STPG2: variants seen among roughly 807,000 people sequenced by gnomAD.
The protein encoded by STPG2 is sperm tail PG-rich repeat containing 2, also known as sperm-tail PG-rich repeat-containing protein 2.
STPG2 carries 56 observed loss-of-function variants against 54.2 expected under a neutral mutation model. That is an observed-to-expected ratio of 1.03 (90% CI 0.83 to 1.29). The LOEUF (loss-of-function observed/expected upper bound fraction) is 1.29. Among genes scored for constraint, STPG2 ranks in the 50% most tolerant of loss-of-function variants. The pLI is 0.00. For synonymous variants in STPG2, 200 were observed against 181.8 expected, an observed-to-expected ratio of 1.10 and a Z score of -0.81; for missense variants, 596 against 544.9, an observed-to-expected ratio of 1.09 and a Z score of -0.93.
At chr4:97,502,751 A>G (rs1730753657) in intron 4 of STPG2, among the ~76,000 whole-genome samples, 1 of 152,048 alleles carries the variant, frequency 6.6e-6, no homozygotes, top group African/African-American at 2.4e-5. Flanking sequence ...AAATAATAGG[A>G]ACAGACTGGA....
intron 4 of STPG2, among the ~76,000 whole-genome samples, chr4:97,444,392 T>C (rs1045857900): frequency 2.6e-5 from 4 of 152,106 alleles, no homozygotes; most frequent in Non-Finnish European, 4.4e-5. Context: ...AAAAAAGTTG[T>C]AAAAGCAGTC....
intron 1 of STPG2, among the ~76,000 whole-genome samples, chr4:98,139,769 C>A (rs542698878): frequency 6.6e-6 from 1 of 152,194 alleles, no homozygotes; most frequent in Non-Finnish European, 1.5e-5. Flanking sequence ...TCCTATAAAA[C>A]AGTAAAAGGG....
intron 5 of STPG2, among the ~76,000 whole-genome samples, chr4:98,033,979 A>T (rs1180185563): frequency 6.6e-6 from 1 of 152,154 alleles, no homozygotes; most frequent in African/African-American, 2.4e-5. Context: ...TTTATGACAA[A>T]CCCACAGCCA....
intron 9 of STPG2, among the ~76,000 whole-genome samples, chr4:97,802,926 C>T (rs1254768006): frequency 6.6e-6 from 1 of 152,072 alleles, no homozygotes; most frequent in East Asian, 1.9e-4. Context: ...TTATAATTTG[C>T]AAAGCCACCT....
At chr4:97,607,907 G>A (rs1305388341) in intron 10 of STPG2, among the ~76,000 whole-genome samples, 1 of 151,978 alleles carries the variant, frequency 6.6e-6, no homozygotes, top group African/African-American at 2.4e-5. Context: ...AAGTACACAT[G>A]AGGTTCAGTT....
rs555734986 is a variant in STPG2 at position 98,143,283 on chromosome 4, G to T, written c.-133C>A. The T allele has an allele frequency of 4.7e-6, 3 of 635,694 alleles. No homozygotes were observed. The highest frequency in any genetic ancestry group is 2.7e-6 in the Non-Finnish European group (1 of 365,924). The allele number at this position is 635,694 out of a possible 1,614,324, so 39.4% of individuals were successfully genotyped here. ...CCGGGAAAGAACTTCCGTAAACAGG[G>T]AAATTAGGGGTGGGGTTGTCTCCCC... On this transcript the variant is annotated 5_prime_UTR_variant, in exon 1 of 11. Coordinates refer to ENST00000295268, the MANE Select transcript of STPG2 (RefSeq NM_174952.3).
At chr4:98,043,089 T>G (rs957208962) in intron 5 of STPG2, among the ~76,000 whole-genome samples, 3 of 152,084 alleles carry the variant, frequency 2.0e-5, no homozygotes. Context: ...GAAGTAACCT[T>G]TTAGTCTCTA....
chr4:97,644,466 G>T (rs1455953395), intron 10 of STPG2, among the ~76,000 whole-genome samples: 1 of 151,932 alleles, frequency 6.6e-6, no homozygotes, highest in Non-Finnish European at 1.5e-5. Flanking sequence ...TCAACAAATG[G>T]ATCATTTTTT....
intron 9 of STPG2, among the ~76,000 whole-genome samples, chr4:97,777,136 C>A (rs1726402976): frequency 6.6e-6 from 1 of 152,098 alleles, no homozygotes; most frequent in Admixed American, 6.5e-5. Context: ...GGTTAAAATG[C>A]ACTTCGTACT....
intron 8 of STPG2, among the ~76,000 whole-genome samples, chr4:97,886,973 G>A (rs1730594707): frequency 6.6e-6 from 1 of 152,154 alleles, no homozygotes; most frequent in Admixed American, 6.6e-5. Flanking sequence ...TAAGCCAGCT[G>A]CTCCCCCTTT....
At chr4:97,804,922 C>A (rs939095257) in intron 9 of STPG2, among the ~76,000 whole-genome samples, 1 of 152,130 alleles carries the variant, frequency 6.6e-6, no homozygotes, top group African/African-American at 2.4e-5. Flanking sequence ...GAGCTATAGG[C>A]TATACCATAT....
chr4:97,938,624 G>A (rs1278821606), intron 8 of STPG2, among the ~76,000 whole-genome samples: 1 of 152,144 alleles, frequency 6.6e-6, no homozygotes, highest in Non-Finnish European at 1.5e-5. Flanking sequence ...CTGATCTGTG[G>A]GTTGCACAGA....
chr4:97,935,993 C>A (rs1225336530), intron 8 of STPG2, among the ~76,000 whole-genome samples: 1 of 130,492 alleles, frequency 7.7e-6, no homozygotes, highest in Non-Finnish European at 1.7e-5. Flanking sequence ...AAATCTCCCA[C>A]TATTATTGTA....
At position 97,972,360 on chromosome 4, in the gene STPG2, C is replaced by A. The variant is rs1437326412; in HGVS notation, c.853G>T (p.Ala285Ser). 1 of 1,609,462 alleles carries A rather than the reference C, an allele frequency of 6.2e-7. No individual in the cohort carries two copies. Among genetic ancestry groups the A allele is most frequent in the Admixed American group, 1.7e-5 (1 of 59,624 alleles). ...GTCCGAGGAACAGAAGAACCAAATG[C>A]ACTTTTCTTCTGTTTCTTTGAGCAG... ...NICSKKQKKS[A>S]FGSSVPRTFF... The change falls in exon 7 of 11, where the codon GCA (alanine) becomes TCA (serine). Residue 285 changes from alanine (A) to serine (S), a missense_variant. Ala to Ser is a moderately conservative substitution (Grantham distance 99). Coordinates refer to ENST00000295268, the MANE Select transcript of STPG2 (RefSeq NM_174952.3).
chr4:97,610,361 G>T (rs1433161991), intron 10 of STPG2, among the ~76,000 whole-genome samples: 2 of 151,984 alleles, frequency 1.3e-5, no homozygotes, highest in Non-Finnish European at 2.9e-5. Flanking sequence ...TTGCTTTAAT[G>T]AGTAACAACA....
chr4:97,958,564 T>C (rs1008652299), intron 7 of STPG2, among the ~76,000 whole-genome samples: 5 of 152,116 alleles, frequency 3.3e-5, no homozygotes, highest in African/African-American at 1.2e-4. Flanking sequence ...TCCATGCAAA[T>C]GAACACCAAA....
At chr4:97,681,365 A>G (rs1414584016) in intron 10 of STPG2, among the ~76,000 whole-genome samples, 1 of 151,866 alleles carries the variant, frequency 6.6e-6, no homozygotes, top group East Asian at 1.9e-4. Context: ...GTACAAAACA[A>G]TAGCATTTAT....
At chr4:97,698,741 CG>C (rs1723668432) in intron 10 of STPG2, among the ~76,000 whole-genome samples, 1 of 152,046 alleles carries the variant, frequency 6.6e-6, no homozygotes, top group Non-Finnish European at 1.5e-5. Flanking sequence ...TGCCAGAGCC[CG>C]GCAAAGTATT....
chr4:97,568,149 C>G (rs1444455881), intron 10 of STPG2, among the ~76,000 whole-genome samples: 1 of 152,082 alleles, frequency 6.6e-6, no homozygotes, highest in African/African-American at 2.4e-5. Flanking sequence ...AACTAATGCC[C>G]AGCGTTTGAA....
Sources: allele counts gnomAD v4.1 joint callset (sites outside exome capture counted in the v4.1 genomes callset), GRCh38; gene constraint gnomAD v4.1.1; transcripts MANE v1.5; gene names NCBI Gene and HGNC (gene_info 2026-07-23, HGNC 2026-07-21).